The following ADCY2 variants were observed in gnomAD, a reference collection of about 807,000 sequenced individuals.
The protein encoded by ADCY2 is adenylate cyclase type 2.
In ADCY2, 31 loss-of-function variants were observed where a neutral mutation model predicts 125.2. The ratio of observed to expected loss-of-function variants is 0.25; its 90% CI spans 0.19 to 0.33. The LOEUF (loss-of-function observed/expected upper bound fraction) is 0.33, where lower values mean the gene tolerates loss of function less well. Among genes scored for constraint, ADCY2 ranks in the 10% least tolerant of loss-of-function variants. The pLI is 1.00. For missense variants in ADCY2, 904 were observed against 1,418.2 expected (o/e 0.64, Z 5.82); for synonymous variants, 512 against 548.4 (o/e 0.93, Z 0.93).
At chr5:7,683,196 G>A (rs906161231) in intron 4 of ADCY2, among the ~76,000 whole-genome samples, 12 of 152,180 alleles carry the variant, frequency 7.9e-5, no homozygotes, top group African/African-American at 2.7e-4. Flanking sequence ...CTCTACGTGA[G>A]GGAGAAGAAT....
chr5:7,686,062 A>T lies in ADCY2; in HGVS notation c.721-4629A>T, dbSNP rs1472701280. Reference sequence around the variant, plus strand: ...AGAAAAACTTAAAGATTCATATGAAAGGAGTGTTTCATTGTTATCCTCCCG... The same window carrying T: ...AGAAAAACTTAAAGATTCATATGAATGGAGTGTTTCATTGTTATCCTCCCG... On this transcript the variant is annotated intron_variant, in intron 4 of 24. Coordinates refer to ENST00000338316, the MANE Select transcript of ADCY2 (RefSeq NM_020546.3). Among the ~76,000 whole-genome samples the T allele has an allele frequency of 2.6e-5, 4 of 152,326 alleles. No homozygotes were observed. In the East Asian group the frequency reaches 7.7e-4, roughly 29 times the overall value.
intron 2 of ADCY2, among the ~76,000 whole-genome samples, chr5:7,448,229 C>A (rs1428627650): frequency 6.6e-6 from 1 of 152,134 alleles, no homozygotes; most frequent in Non-Finnish European, 1.5e-5. Context: ...AGCTAAGTAC[C>A]CTGTCCTACT....
At chr5:7,721,945 G>A (rs1251294539) in intron 12 of ADCY2, among the ~76,000 whole-genome samples, 2 of 152,206 alleles carry the variant, frequency 1.3e-5, no homozygotes, top group Non-Finnish European at 2.9e-5. Flanking sequence ...TGAGATATCT[G>A]TGTTCTAAAC....
intron 22 of ADCY2, among the ~76,000 whole-genome samples, chr5:7,813,502 G>C (rs1745007740): frequency 1.3e-5 from 2 of 152,230 alleles, no homozygotes; most frequent in Admixed American, 1.3e-4. Context: ...AGTAGTCTCT[G>C]TGTAGCTGGA....
chr5:7,438,717 G>A (rs6877052), intron 2 of ADCY2, among the ~76,000 whole-genome samples: 154 of 152,334 alleles, frequency 1.0e-3, no homozygotes, highest in African/African-American at 3.5e-3. Context: ...AAACATCACA[G>A]GTCAGTTTCC....
At chr5:7,754,867 A>G (rs1742939309) in intron 15 of ADCY2, among the ~76,000 whole-genome samples, 1 of 152,096 alleles carries the variant, frequency 6.6e-6, no homozygotes, top group East Asian at 1.9e-4. Flanking sequence ...CTCAGGAAAA[A>G]AAAAAAGAAA....
chr5:7,614,158 A>G (rs1737672031), intron 3 of ADCY2, among the ~76,000 whole-genome samples: 1 of 152,242 alleles, frequency 6.6e-6, no homozygotes, highest in Non-Finnish European at 1.5e-5. Context: ...ATGAGTGTCA[A>G]CAGAGACCCC....
In ADCY2 at chr5:7,686,340, T is replaced by G. The variant is rs555901909; in HGVS notation, c.721-4351T>G. On this transcript the variant is annotated intron_variant, in intron 4 of 24. Coordinates refer to ENST00000338316, the MANE Select transcript of ADCY2 (RefSeq NM_020546.3). Reference sequence around the variant, plus strand: ...AACTTTGATCACTAGTACATTGAAATTTACTAAATTAACTCTGTATCTCTT... The same window carrying G: ...AACTTTGATCACTAGTACATTGAAAGTTACTAAATTAACTCTGTATCTCTT... Among the ~76,000 whole-genome samples, 3 of 152,328 alleles carry G rather than the reference T, an allele frequency of 2.0e-5. No individual in the cohort carries two copies. In the South Asian group the frequency reaches 6.2e-4, roughly 32 times the overall value.
At chr5:7,622,532 C>G (rs150162533) in intron 3 of ADCY2, among the ~76,000 whole-genome samples, 1 of 152,288 alleles carries the variant, frequency 6.6e-6, no homozygotes, top group Admixed American at 6.5e-5. Flanking sequence ...TATCTACAGA[C>G]AGGAGGGGTT....
At chr5:7,525,588 T>A (rs963849999) in intron 3 of ADCY2, among the ~76,000 whole-genome samples, 1 of 152,172 alleles carries the variant, frequency 6.6e-6, no homozygotes, top group Non-Finnish European at 1.5e-5. Flanking sequence ...AGGCATGATC[T>A]AGGCATTAGG....
chr5:7,795,859 G>A (rs191812050), intron 20 of ADCY2: 206 of 145,178 alleles, frequency 1.4e-3, no homozygotes, highest in African/African-American at 5.7e-3. Flanking sequence ...ATAGCATGAT[G>A]TGTAAAAAAA....
intron 2 of ADCY2, among the ~76,000 whole-genome samples, chr5:7,448,415 T>C (rs1741355946): frequency 6.6e-6 from 1 of 152,180 alleles, no homozygotes; most frequent in East Asian, 1.9e-4. Context: ...TCTGACTTAT[T>C]TTATGTAAGG....
At chr5:7,632,020 T>C (rs2126664329) in intron 4 of ADCY2, among the ~76,000 whole-genome samples, 1 of 152,284 alleles carries the variant, frequency 6.6e-6, no homozygotes, top group Non-Finnish European at 1.5e-5. Flanking sequence ...TCTCAACAGT[T>C]ATGTACCTTT....
In ADCY2 at chr5:7,802,486, C is replaced by A; in HGVS notation, c.2775+122C>A. On this transcript the variant is annotated intron_variant, in intron 21 of 24. Transcript: ENST00000338316. This position sits in a 1 kb window ranked among gnomAD's most constrained non-coding sequence, Gnocchi z 4.6. ...ACTTGTCCTTTGGCATAATTTCTGG[C>A]AGATGGCATTAAAGCCTTTTGCTTT... 2 of 1,112,574 alleles carry A rather than the reference C, an allele frequency of 1.8e-6. No individual in the cohort carries two copies. Among genetic ancestry groups the A allele is most frequent in the Non-Finnish European group, 2.5e-6 (2 of 794,608 alleles). The allele number at this position is 1,112,574 out of a possible 1,614,324, so 68.9% of individuals were successfully genotyped here.
chr5:7,437,071 C>G (rs566159962), intron 2 of ADCY2, among the ~76,000 whole-genome samples: 27 of 152,270 alleles, frequency 1.8e-4, no homozygotes, highest in African/African-American at 6.3e-4. Context: ...GGGGCCCGTG[C>G]TTCCCTCCAT....
intron 17 of ADCY2, among the ~76,000 whole-genome samples, chr5:7,769,493 T>C (rs1308883304): frequency 6.6e-6 from 1 of 152,164 alleles, no homozygotes; most frequent in Non-Finnish European, 1.5e-5. Flanking sequence ...TGGAAACACC[T>C]ATACAAATAA....
intron 17 of ADCY2, 79 bp downstream of exon 17, chr5:7,766,885 C>A: frequency 6.7e-7 from 1 of 1,503,448 alleles, no homozygotes; most frequent in South Asian, 1.4e-5. Context: ...CCTTTAGTCT[C>A]AGATCTGTTC....
chr5:7,730,809 G>C (rs1449026991), intron 14 of ADCY2, among the ~76,000 whole-genome samples: 2 of 141,202 alleles, frequency 1.4e-5, no homozygotes, highest in African/African-American at 5.2e-5. Flanking sequence ...AGTGCTTTTA[G>C]GTATCTTTTT....
intron 12 of ADCY2, among the ~76,000 whole-genome samples, chr5:7,724,137 AAG>A (rs2126394169): frequency 6.7e-6 from 1 of 149,294 alleles, no homozygotes; most frequent in East Asian, 1.9e-4. Context: ...AAAAAAAAAA[AAG>A]GTGCTTCTCT....
Sources: gnomAD v4.1 joint callset for allele counts (sites outside exome capture counted in the v4.1 genomes callset) on GRCh38, gnomAD v4.1.1 for gene constraint, Gnocchi (gnomAD v3.1) non-coding constraint, MANE v1.5 for transcripts, NCBI Gene and HGNC (gene_info 2026-07-23, HGNC 2026-07-21) for gene names.